Variants in ABCA13 observed in about 807,000 individuals in gnomAD.
The protein encoded by ABCA13 is ATP binding cassette subfamily A member 13, also known as ATP-binding cassette sub-family A member 13.
ABCA13 carries 476 observed loss-of-function variants against 478.7 expected under a neutral mutation model. That is an observed-to-expected ratio of 0.99 (90% CI 0.92 to 1.07). The LOEUF is 1.07. Among genes scored for constraint, ABCA13 ranks in the 50% least tolerant of loss-of-function variants. The probability of loss-of-function intolerance (pLI) is 0.00; values close to 1 mark genes in which losing one functional copy is unlikely to be tolerated. For missense variants in ABCA13, 6,060 were observed against 5,910.6 expected, an observed-to-expected ratio of 1.03 and a Z score of -0.83; for synonymous variants, 2,252 against 2,158.9, an observed-to-expected ratio of 1.04 and a Z score of -1.20.
rs369256136 is a variant in ABCA13, at chr7:48,335,583, G to T, written c.10113+48G>T. 316 of 1,481,246 alleles carry T rather than the reference G, an allele frequency of 2.1e-4. 1 individual carries two copies. Among genetic ancestry groups the T allele is most frequent in the Admixed American group, 1.3e-3 (78 of 59,060 alleles). 91.8% of individuals were successfully genotyped at this position (1,481,246 alleles called of 1,614,324 possible). ...CGAGGGATGGGGAGCTACTGCTAGGGCATGTCCGAGACATCAGGGCTGCCC... is the reference window on the plus strand; with the variant it reads ...CGAGGGATGGGGAGCTACTGCTAGGTCATGTCCGAGACATCAGGGCTGCCC... On this transcript the variant is annotated intron_variant, in intron 28 of 61. Coordinates refer to ENST00000435803, the MANE Select transcript of ABCA13 (RefSeq NM_152701.5).
At chr7:48,209,922 C>T (rs1260692518) in intron 3 of ABCA13, among the ~76,000 whole-genome samples, 2 of 151,914 alleles carry the variant, frequency 1.3e-5, no homozygotes, top group Non-Finnish European at 2.9e-5. Context: ...TTTTGTGTAT[C>T]TATTAAAAAA....
chr7:48,506,317 T>C lies in ABCA13; in HGVS notation c.13292-19T>C, dbSNP rs1563365970. On this transcript the variant is annotated intron_variant, in intron 48 of 61. Coordinates refer to ENST00000435803, the MANE Select transcript of ABCA13 (RefSeq NM_152701.5). ...GCAGGAGCAGGCTGAAGGCTCACTT[T>C]TCAATTTGTCTTTCACAGGAATAAC... 1 of 1,613,292 alleles carries C rather than the reference T, an allele frequency of 6.2e-7. No individual in the cohort carries two copies. The highest frequency in any genetic ancestry group is 1.1e-5 in the South Asian group (1 of 91,036).
At chr7:48,525,548 T>C (rs188577647) in intron 54 of ABCA13, among the ~76,000 whole-genome samples, 133 of 152,200 alleles carry the variant, frequency 8.7e-4, no homozygotes, top group Admixed American at 3.7e-3. Flanking sequence ...TCTGTTTTTA[T>C]GCTTAGGTTC....
intron 48 of ABCA13, among the ~76,000 whole-genome samples, chr7:48,494,014 C>T (rs1830057553): frequency 6.6e-6 from 1 of 152,178 alleles, no homozygotes; most frequent in Non-Finnish European, 1.5e-5. Flanking sequence ...TGATGGATAC[C>T]TGGCTACTGG....
intron 27 of ABCA13, among the ~76,000 whole-genome samples, chr7:48,328,320 C>T (rs1243943380): frequency 1.3e-5 from 2 of 152,146 alleles, no homozygotes; most frequent in East Asian, 1.9e-4. Context: ...CACTTTCTGA[C>T]TGTAGGCATC....
chr7:48,330,314 C>T (rs1217427642), intron 27 of ABCA13, among the ~76,000 whole-genome samples: 2 of 151,352 alleles, frequency 1.3e-5, no homozygotes, highest in Non-Finnish European at 2.9e-5. Flanking sequence ...TTCATCCATC[C>T]ATCTACCCAT....
intron 42 of ABCA13, among the ~76,000 whole-genome samples, chr7:48,444,595 A>G (rs976864950): frequency 1.3e-5 from 2 of 152,120 alleles, no homozygotes; most frequent in African/African-American, 4.8e-5. Flanking sequence ...GAGTTCTACC[A>G]TGCTCAGGCA....
rs1289509758 is a variant in ABCA13 at position 48,273,353 on chromosome 7, G to A, written c.3687G>A (p.Leu1229=). 2 of 1,613,630 alleles carry A rather than the reference G, an allele frequency of 1.2e-6. No homozygotes were observed. Among genetic ancestry groups the A allele is most frequent in the South Asian group, 2.2e-5 (2 of 91,058 alleles). ...ACTTCCATAATTGGGAGGACTTCCT[G>A]GATCTCAGGGATTTTTTGGTAGCTT... ...ANDFHNWEDF[L]DLRDFLVALG... Residue 1229 remains leucine, a synonymous_variant, in exon 17 of 62, where the codon CTG becomes CTA. Coordinates refer to ENST00000435803, the MANE Select transcript of ABCA13 (RefSeq NM_152701.5).
chr7:48,187,465 C>T (rs1027649982), intron 1 of ABCA13, among the ~76,000 whole-genome samples: 11 of 151,828 alleles, frequency 7.2e-5, no homozygotes, highest in South Asian at 4.1e-4. Flanking sequence ...TGAGGAATAT[C>T]GTCAAAAAAT....
At chr7:48,174,260 G>T (rs968210219) in intron 1 of ABCA13, among the ~76,000 whole-genome samples, 71 of 152,074 alleles carry the variant, frequency 4.7e-4, no homozygotes, top group African/African-American at 1.6e-3. Flanking sequence ...ATTTGTTGTA[G>T]GAAGGAAGCT....
intron 45 of ABCA13, among the ~76,000 whole-genome samples, chr7:48,475,241 A>C (rs748446501): frequency 1.3e-5 from 2 of 152,076 alleles, no homozygotes; most frequent in Non-Finnish European, 2.9e-5. Flanking sequence ...TGAAAGTCCT[A>C]AGCAATGGGT....
At position 48,528,213 on chromosome 7, in the gene ABCA13, TACTTA is replaced by T; in HGVS notation, c.14245-18_14245-14del. On this transcript the variant is annotated intron_variant, in intron 54 of 61. Coordinates refer to ENST00000435803, the MANE Select transcript of ABCA13 (RefSeq NM_152701.5). The stretch of plus-strand genomic sequence containing the variant: ...TTAGCTTGTTTGATTGAATGTGCTT[TACTTA>T]ACTTTGTTTCCTCTTAGTGCTTTGG... 1 of 1,521,960 alleles carries T rather than the reference TACTTA, an allele frequency of 6.6e-7. No homozygotes were observed. Among genetic ancestry groups the T allele is most frequent in the Non-Finnish European group, 8.9e-7 (1 of 1,117,970 alleles). 94.3% of individuals were successfully genotyped at this position (1,521,960 alleles called of 1,614,324 possible).
chr7:48,431,333 T>C (rs62447283), intron 42 of ABCA13, among the ~76,000 whole-genome samples: 37,561 of 142,106 alleles, frequency 0.26, 4,978 homozygotes, highest in Middle Eastern at 0.33. Context: ...CAGAGGGAGA[T>C]TCTGTCTCAA....
intron 33 of ABCA13, among the ~76,000 whole-genome samples, chr7:48,372,773 T>C (rs1246799641): frequency 6.6e-6 from 1 of 152,200 alleles, no homozygotes; most frequent in Non-Finnish European, 1.5e-5. Context: ...AGGAAGCATA[T>C]AACTTTATTT....
chr7:48,499,026 A>G (rs915061291), intron 48 of ABCA13, among the ~76,000 whole-genome samples: 7 of 152,238 alleles, frequency 4.6e-5, no homozygotes, highest in Non-Finnish European at 1.0e-4. Flanking sequence ...AAATGCAAAC[A>G]GTGATTACTT....
At chr7:48,181,804 C>T (rs1795736509) in intron 1 of ABCA13, among the ~76,000 whole-genome samples, 1 of 152,118 alleles carries the variant, frequency 6.6e-6, no homozygotes, top group Non-Finnish European at 1.5e-5. Context: ...GCTCTTCTTT[C>T]TTCTTAGGAA....
chr7:48,434,804 C>A (rs1822609167), intron 42 of ABCA13, among the ~76,000 whole-genome samples: 1 of 151,772 alleles, frequency 6.6e-6, no homozygotes, highest in Admixed American at 6.6e-5. Context: ...TGTTGAAAAC[C>A]AATTGACCAT....
intron 50 of ABCA13, among the ~76,000 whole-genome samples, chr7:48,509,926 G>A (rs1013106454): frequency 6.6e-6 from 1 of 152,192 alleles, no homozygotes; most frequent in African/African-American, 2.4e-5. Context: ...CAGCCTGAAC[G>A]AGGAAGCTGG....
intron 10 of ABCA13, chr7:48,243,200 G>A (rs1584401740): frequency 6.6e-6 from 1 of 152,272 alleles, no homozygotes; most frequent in Non-Finnish European, 1.5e-5. Flanking sequence ...AGTCCCTAGG[G>A]TCTGGCCATG....
Sources: allele counts gnomAD v4.1 joint callset (sites outside exome capture counted in the v4.1 genomes callset), GRCh38; gene constraint gnomAD v4.1.1; transcripts MANE v1.5; gene names NCBI Gene and HGNC (gene_info 2026-07-23, HGNC 2026-07-21).